MMP24: variants seen among roughly 807,000 people sequenced by gnomAD.
MMP24 encodes the protein matrix metallopeptidase 24, also known as matrix metalloproteinase-24.
A neutral mutation model predicts 62.8 loss-of-function variants in MMP24; 25 were observed. The ratio of observed to expected loss-of-function variants is 0.40; its 90% CI spans 0.29 to 0.56. The LOEUF is 0.56. Among genes scored for constraint, MMP24 ranks in the 20% least tolerant of loss-of-function variants. The probability of loss-of-function intolerance (pLI) is 0.50; values close to 1 mark genes in which losing one functional copy is unlikely to be tolerated. For synonymous variants in MMP24, 319 were observed against 350.5 expected, an observed-to-expected ratio of 0.91 and a Z score of 1.00; for missense variants, 634 against 853.6, an observed-to-expected ratio of 0.74 and a Z score of 3.21.
chr20:35,233,028 G>A (rs2060445173), intron 1 of MMP24, among the ~76,000 whole-genome samples: 1 of 152,150 alleles, frequency 6.6e-6, no homozygotes, highest in African/African-American at 2.4e-5. Flanking sequence ...AGGGCTTACA[G>A]GCATGAGCCC....
chr20:35,242,503 C>T (rs947208294), intron 1 of MMP24, among the ~76,000 whole-genome samples: 1 of 152,072 alleles, frequency 6.6e-6, no homozygotes, highest in Non-Finnish European at 1.5e-5. Flanking sequence ...TGAAAAATTC[C>T]TGGGAGAAAG....
At chr20:35,237,870 A>G (rs1372030899) in intron 1 of MMP24, among the ~76,000 whole-genome samples, 3 of 152,232 alleles carry the variant, frequency 2.0e-5, no homozygotes, top group Non-Finnish European at 2.9e-5. Flanking sequence ...TAGGCAGGGA[A>G]TCTGAGACCC....
intron 2 of MMP24, among the ~76,000 whole-genome samples, chr20:35,247,289 C>T (rs1328891679): frequency 1.3e-5 from 2 of 152,098 alleles, no homozygotes; most frequent in East Asian, 1.9e-4. Context: ...CCCTCTGGCT[C>T]GAATAATTTA....
chr20:35,268,789 A>G (rs1600804777), intron 6 of MMP24, among the ~76,000 whole-genome samples: 2 of 149,878 alleles, frequency 1.3e-5, no homozygotes, highest in Admixed American at 1.3e-4. Flanking sequence ...ACACTTTGGG[A>G]GGCCAAGGAG....
At chr20:35,266,183 A>T (rs1171035227) in intron 5 of MMP24, among the ~76,000 whole-genome samples, 1 of 145,208 alleles carries the variant, frequency 6.9e-6, no homozygotes, top group African/African-American at 2.5e-5. Flanking sequence ...GCTAAAAAAA[A>T]AAAAAAAAAA....
At chr20:35,242,102 C>T (rs181205058) in intron 1 of MMP24, among the ~76,000 whole-genome samples, 124 of 152,238 alleles carry the variant, frequency 8.1e-4, no homozygotes, top group Middle Eastern at 3.4e-3. Flanking sequence ...GAGGCCAAGG[C>T]GGGTGGATCA....
At position 35,267,338 on chromosome 20, in the gene MMP24, C is replaced by T. The variant is rs1351621810; in HGVS notation, c.1113C>T (p.Ser371=). Reference sequence around the variant, plus strand: ...GGCCGCCCCTCGGGGACCGGCCATCCACACCAGGCACCAAACCCAACATCT... The same window carrying T: ...GGCCGCCCCTCGGGGACCGGCCATCTACACCAGGCACCAAACCCAACATCT... ...PPRPPLGDRP[S]TPGTKPNICD... Residue 371 remains serine (S), a synonymous_variant, in exon 6 of 9, where the codon TCC becomes TCT. Coordinates refer to ENST00000246186, the MANE Select transcript of MMP24 (RefSeq NM_006690.4). 1.3e-6 allele frequency: 2 copies of T among 1,585,324 alleles called. No individual in the cohort carries two copies. The highest frequency in any genetic ancestry group is 1.7e-6 in the Non-Finnish European group (2 of 1,166,480).
At position 35,271,667 on chromosome 20, in the gene MMP24, A is replaced by ACAG; in HGVS notation, c.1434_1436dup (p.Ala479dup). On this transcript the variant is annotated inframe_insertion, in exon 8 of 9. Coordinates refer to ENST00000246186, the MANE Select transcript of MMP24 (RefSeq NM_006690.4). The surrounding 1 kb of genome is among the most constrained non-coding windows in gnomAD (Gnocchi z 4.0). ...CTGTTTGCCCCGTGAAGGCATTGAC[A>ACAG]CAGCTCTGCGCTGGGAACCTGTGGG... The ACAG allele has an allele frequency of 3.1e-6, 5 of 1,609,508 alleles. No individual in the cohort carries two copies. The highest frequency in any genetic ancestry group is 4.2e-6 in the Non-Finnish European group (5 of 1,178,076).
intron 4 of MMP24, among the ~76,000 whole-genome samples, chr20:35,255,858 CA>C (rs1555794740): frequency 6.6e-6 from 1 of 152,108 alleles, no homozygotes; most frequent in Non-Finnish European, 1.5e-5. Context: ...TTGCAAAGAC[CA>C]GGGGGAGCTG....
Position 35,271,240 on chromosome 20 carries a change from C to T in MMP24, c.1334-329C>T, listed in dbSNP as rs913600366. 1.3e-5 allele frequency among the ~76,000 whole-genome samples: 2 copies of T among 152,164 alleles called. No homozygotes were observed. The highest frequency in any genetic ancestry group is 4.8e-5 in the African/African-American group (2 of 41,432). On this transcript the variant is annotated intron_variant, in intron 7 of 8. Coordinates refer to ENST00000246186, the MANE Select transcript of MMP24 (RefSeq NM_006690.4). This position sits in a 1 kb window ranked among gnomAD's most constrained non-coding sequence, Gnocchi z 4.0. The stretch of plus-strand genomic sequence containing the variant: ...GAGGTCAGGGTTTCTGGCTCTGCTG[C>T]TCAGGTCCAGTGGGAGAGCCTCAGA...
At chr20:35,238,187 TAGA>T (rs1256952290) in intron 1 of MMP24, among the ~76,000 whole-genome samples, 3 of 152,200 alleles carry the variant, frequency 2.0e-5, no homozygotes, top group African/African-American at 7.2e-5. Context: ...CCAGTGCTAA[TAGA>T]AGACTTTTCT....
chr20:35,264,399 GAA>G (rs1324266541), intron 5 of MMP24, among the ~76,000 whole-genome samples: 1 of 151,982 alleles, frequency 6.6e-6, no homozygotes, highest in Admixed American at 6.5e-5. Context: ...TCTTTAAAAA[GAA>G]AAAACGAGGG....
At chr20:35,265,605 G>A (rs933931281) in intron 5 of MMP24, among the ~76,000 whole-genome samples, 5 of 151,988 alleles carry the variant, frequency 3.3e-5, no homozygotes, top group African/African-American at 7.3e-5. Context: ...TAGGCCGGGC[G>A]CGGTGGCTCA....
chr20:35,245,664 G>C (rs1432523298), intron 1 of MMP24, among the ~76,000 whole-genome samples: 2 of 151,770 alleles, frequency 1.3e-5, no homozygotes, highest in African/African-American at 4.8e-5. Context: ...GGCCAAGCTG[G>C]TCTCGAACTC....
intron 6 of MMP24, among the ~76,000 whole-genome samples, chr20:35,268,537 T>C (rs1472402995): frequency 6.6e-6 from 1 of 152,220 alleles, no homozygotes; most frequent in African/African-American, 2.4e-5. Context: ...CAGATCAACT[T>C]AACAGAGACA....
intron 1 of MMP24, among the ~76,000 whole-genome samples, chr20:35,230,911 A>G (rs1408173350): frequency 6.6e-6 from 1 of 152,068 alleles, no homozygotes; most frequent in East Asian, 1.9e-4. Flanking sequence ...AAATTTTTTT[A>G]TTCAGTCTAT....
At chr20:35,265,479 G>A (rs1405717326) in intron 5 of MMP24, among the ~76,000 whole-genome samples, 1 of 151,994 alleles carries the variant, frequency 6.6e-6, no homozygotes, top group Non-Finnish European at 1.5e-5. Flanking sequence ...ACTTATTTGG[G>A]ATCTTTGTTG....
chr20:35,274,329 G>A lies in MMP24; in HGVS notation c.1658G>A (p.Ser553Asn). The A allele has an allele frequency of 6.2e-7, 1 of 1,613,724 alleles. No homozygotes were observed. The highest frequency in any genetic ancestry group is 8.5e-7 in the Non-Finnish European group (1 of 1,179,888). ...DYWKFDNQKL[S>N]VEPGYPRNIL... ...TGGAAGTTTGACAACCAGAAACTGA[G>A]CGTGGAGCCAGGCTACCCGCGCAAC... Residue 553 changes from serine (S) to asparagine (N), a missense_variant, in exon 9 of 9, where the codon AGC (serine) becomes AAC (asparagine). Ser to Asn is a conservative substitution (Grantham distance 46, BLOSUM62 1). Transcript: ENST00000246186. This position sits in a 1 kb window ranked among gnomAD's most constrained non-coding sequence, Gnocchi z 5.1.
Position 35,254,534 on chromosome 20 carries a change from C to T in MMP24, c.597C>T (p.Thr199=), listed in dbSNP as rs746321002. The change falls in exon 4 of 9, where the codon ACC becomes ACT. Residue 199 remains threonine (T), a synonymous_variant. Coordinates refer to ENST00000246186, the MANE Select transcript of MMP24 (RefSeq NM_006690.4). The part of the protein sequence containing the change: ...RQAFDVWQKV[T]PLTFEEVPYH... ...CTTTCGATGTGTGGCAGAAGGTGACCCCACTGACCTTTGAAGAGGTGCCAT... is the reference window on the plus strand; with the variant it reads ...CTTTCGATGTGTGGCAGAAGGTGACTCCACTGACCTTTGAAGAGGTGCCAT... 48 of 1,613,846 alleles carry T rather than the reference C, an allele frequency of 3.0e-5. No individual in the cohort carries two copies. In the South Asian group the frequency reaches 4.8e-4, roughly 16 times the overall value.
Sources: gnomAD v4.1 joint callset for allele counts (sites outside exome capture counted in the v4.1 genomes callset) on GRCh38, gnomAD v4.1.1 for gene constraint, Gnocchi (gnomAD v3.1) non-coding constraint, MANE v1.5 for transcripts, NCBI Gene and HGNC (gene_info 2026-07-23, HGNC 2026-07-21) for gene names.